GRB10: variants seen among roughly 807,000 people sequenced by gnomAD.
The protein encoded by GRB10 is growth factor receptor-bound protein 10.
In GRB10, 20 loss-of-function variants were observed where a neutral mutation model predicts 80.9. That is an observed-to-expected ratio of 0.25 (90% CI 0.17 to 0.36). The LOEUF is 0.36. Among genes scored for constraint, GRB10 ranks in the 10% least tolerant of loss-of-function variants. The pLI is 1.00. For missense variants in GRB10, 548 were observed against 747.7 expected, an observed-to-expected ratio of 0.73 and a Z score of 3.12; for synonymous variants, 291 against 291.5, an observed-to-expected ratio of 1.00 and a Z score of 0.02.
chr7:50,594,279 C>A (rs996879721), intron 18 of GRB10, among the ~76,000 whole-genome samples: 8 of 152,164 alleles, frequency 5.3e-5, no homozygotes, highest in Admixed American at 5.2e-4. Context: ...GATGTCAGCA[C>A]ACAGCAGGAA....
intron 2 of GRB10, among the ~76,000 whole-genome samples, chr7:50,775,021 C>T (rs1244907294): frequency 2.0e-5 from 3 of 150,194 alleles, no homozygotes; most frequent in Admixed American, 6.6e-5. Context: ...ACTAGCTGGG[C>T]GTGATGGCAC....
In GRB10 at chr7:50,592,305, C is replaced by CAG. The variant is rs2045928421; in HGVS notation, c.*645_*646dup. On this transcript the variant is annotated 3_prime_UTR_variant, in exon 19 of 19. Coordinates refer to ENST00000401949, the MANE Select transcript of GRB10 (RefSeq NM_001350814.2). ...CACAAAATATGCCAAATGCCTACCA[C>CAG]AGTGACACCTTTTATTTTAACAAGA... is the stretch of plus-strand genomic sequence containing the variant. 6.4e-6 allele frequency: 1 copy of CAG among 156,718 alleles called. No homozygotes were observed. The highest frequency in any genetic ancestry group is 1.4e-5 in the Non-Finnish European group (1 of 70,884). The allele number at this position is 156,718 out of a possible 1,614,324, so 9.7% of individuals were successfully genotyped here. A position where few individuals can be genotyped will look rare whatever the true frequency, so the allele number is the denominator to read the frequency against.
chr7:50,770,533 C>A (rs1043936403), intron 2 of GRB10, among the ~76,000 whole-genome samples: 16 of 152,208 alleles, frequency 1.1e-4, no homozygotes, highest in African/African-American at 3.4e-4. Flanking sequence ...TGACCTCACC[C>A]CTATGGCAAG....
At chr7:50,684,068 A>T (rs1270284337) in intron 5 of GRB10, among the ~76,000 whole-genome samples, 4 of 152,154 alleles carry the variant, frequency 2.6e-5, no homozygotes, top group Non-Finnish European at 4.4e-5. Flanking sequence ...TGACACATGC[A>T]AAGTGCCGCC....
intron 5 of GRB10, among the ~76,000 whole-genome samples, chr7:50,700,202 A>C (rs1374904038): frequency 6.6e-6 from 1 of 152,100 alleles, no homozygotes; most frequent in Non-Finnish European, 1.5e-5. Context: ...AAACCACTTG[A>C]GTATTTTTGA....
At position 50,613,842 on chromosome 7, in the gene GRB10, C is replaced by T. The variant is rs561100934; in HGVS notation, c.1095+928G>A. On this transcript the variant is annotated intron_variant, in intron 12 of 18. Transcript: ENST00000401949. The stretch of plus-strand genomic sequence containing the variant: ...AGGTGATATTTTGGAAAGAAATTTT[C>T]CCCTAAGGAGGGGCTCCCCGTATTG... 3.9e-5 allele frequency among the ~76,000 whole-genome samples: 6 copies of T among 152,280 alleles called. No individual in the cohort carries two copies. In the East Asian group the frequency reaches 1.2e-3, roughly 29 times the overall value.
intron 5 of GRB10, 76 bp from the exon 6 acceptor site, chr7:50,674,734 G>T: frequency 8.0e-7 from 1 of 1,257,196 alleles, no homozygotes; most frequent in Non-Finnish European, 1.1e-6. Context: ...ACATCTTGGT[G>T]ATCAGGTTCC....
chr7:50,601,440 C>T (rs983579621), intron 17 of GRB10, among the ~76,000 whole-genome samples: 1 of 152,192 alleles, frequency 6.6e-6, no homozygotes, highest in Non-Finnish European at 1.5e-5. Context: ...AGTTTGGTGA[C>T]AGAACCATAG....
intron 13 of GRB10, among the ~76,000 whole-genome samples, chr7:50,608,797 T>A (rs1189468873): frequency 2.6e-5 from 4 of 152,070 alleles, no homozygotes. Flanking sequence ...AAACCCTGTC[T>A]CTATAAAAAA....
At position 50,742,477 on chromosome 7, in the gene GRB10, C is replaced by G. The variant is rs113954627; in HGVS notation, c.-46-10109G>C. Among the ~76,000 whole-genome samples the G allele has an allele frequency of 4.4e-4, 67 of 152,264 alleles. 1 individual carries two copies. Among genetic ancestry groups the G allele is most frequent in the African/African-American group, 1.5e-3 (64 of 41,564 alleles). On this transcript the variant is annotated intron_variant, in intron 3 of 18. Transcript: ENST00000401949. ...CCTAGGGTTTTCAAATGATGGTCCC[C>G]GGACATACAGCATGGGCATCACCCG...
chr7:50,595,378 A>C, intron 18 of GRB10, 59 bp downstream of exon 18: 1 of 924,654 alleles, frequency 1.1e-6, no homozygotes, highest in Non-Finnish European at 1.8e-6. Flanking sequence ...TGAAAATTGC[A>C]TTAAGAATGA....
intron 8 of GRB10, 38 bp from the exon 9 acceptor site, chr7:50,619,323 T>C (rs1418524192): frequency 8.3e-7 from 1 of 1,208,510 alleles, no homozygotes; most frequent in South Asian, 1.2e-5. Flanking sequence ...ACGCAACAGG[T>C]GGGAAATTCA....
intron 7 of GRB10, among the ~76,000 whole-genome samples, chr7:50,633,130 A>G (rs2054320156): frequency 1.3e-5 from 2 of 152,190 alleles, no homozygotes; most frequent in Non-Finnish European, 2.9e-5. Flanking sequence ...CATAACTCAA[A>G]GTAATTCCTG....
intron 7 of GRB10, among the ~76,000 whole-genome samples, chr7:50,667,271 C>T (rs762395290): frequency 6.6e-6 from 1 of 152,130 alleles, no homozygotes; most frequent in Non-Finnish European, 1.5e-5. Flanking sequence ...TATCCCATTA[C>T]CTTCCATAGA....
intron 4 of GRB10, among the ~76,000 whole-genome samples, chr7:50,706,777 C>A (rs932544812): frequency 6.6e-6 from 1 of 152,198 alleles, no homozygotes; most frequent in Non-Finnish European, 1.5e-5. Flanking sequence ...TGAATCACAA[C>A]CCTGATACTC....
intron 2 of GRB10, among the ~76,000 whole-genome samples, chr7:50,775,760 C>T (rs1371381063): frequency 6.6e-6 from 1 of 152,248 alleles, no homozygotes; most frequent in African/African-American, 2.4e-5. Flanking sequence ...GCATCCACAG[C>T]TCTTGCACTC....
At chr7:50,681,410 A>T (rs1329824084) in intron 5 of GRB10, among the ~76,000 whole-genome samples, 2 of 152,200 alleles carry the variant, frequency 1.3e-5, no homozygotes, top group Non-Finnish European at 2.9e-5. Flanking sequence ...TCGAGGGGCG[A>T]TGGTGTTTAT....
intron 7 of GRB10, among the ~76,000 whole-genome samples, chr7:50,646,195 A>G (rs2057162253): frequency 6.6e-6 from 1 of 152,244 alleles, no homozygotes; most frequent in South Asian, 2.1e-4. Context: ...ACATCTCAGT[A>G]GCGTCTTTTC....
At chr7:50,783,128 G>A (rs1451109325), upstream of GRB10, among the ~76,000 whole-genome samples, 1 of 152,240 alleles carries the variant, frequency 6.6e-6, no homozygotes, top group African/African-American at 2.4e-5. Flanking sequence ...TTCGCAGACA[G>A]GCGGGGGACA....
Sources: allele counts gnomAD v4.1 joint callset (sites outside exome capture counted in the v4.1 genomes callset), GRCh38; gene constraint gnomAD v4.1.1; transcripts MANE v1.5; gene names NCBI Gene and HGNC (gene_info 2026-07-23, HGNC 2026-07-21).